KCNT2: variants seen among roughly 807,000 people sequenced by gnomAD.
The protein encoded by KCNT2 is potassium sodium-activated channel subfamily T member 2, also known as potassium channel subfamily T member 2.
Under a neutral mutation model 153.8 loss-of-function variants are expected in KCNT2, and 67 were observed. That is an observed-to-expected ratio of 0.44 (90% CI 0.36 to 0.53). The LOEUF (loss-of-function observed/expected upper bound fraction) is 0.53, where lower values mean the gene tolerates loss of function less well. KCNT2 is among the 20% of genes least tolerant of loss of function. The pLI is 0.00. For synonymous variants in KCNT2, 500 were observed against 458.8 expected (o/e 1.09, Z -1.15); for missense variants, 975 against 1,354.8 (o/e 0.72, Z 4.40).
At chr1:196,327,738 C>A (rs1664020028) in intron 18 of KCNT2, among the ~76,000 whole-genome samples, 2 of 147,582 alleles carry the variant, frequency 1.4e-5, no homozygotes, top group African/African-American at 5.2e-5. Flanking sequence ...GCAATCATCG[C>A]TCACTGAAAC....
intron 1 of KCNT2, among the ~76,000 whole-genome samples, chr1:196,531,737 AGCAGAATCT>A (rs1654968777): frequency 6.6e-6 from 1 of 152,138 alleles, no homozygotes; most frequent in Non-Finnish European, 1.5e-5. Context: ...TGATTATTTC[AGCAGAATCT>A]CTAGTCAGTC....
At chr1:196,370,746 C>T (rs571356472) in intron 14 of KCNT2, among the ~76,000 whole-genome samples, 1 of 152,202 alleles carries the variant, frequency 6.6e-6, no homozygotes, top group African/African-American at 2.4e-5. Flanking sequence ...TACACAAAAA[C>T]CTTTTCACAA....
At chr1:196,367,514 T>C (rs1419469477) in intron 14 of KCNT2, among the ~76,000 whole-genome samples, 1 of 152,204 alleles carries the variant, frequency 6.6e-6, no homozygotes, top group Admixed American at 6.6e-5. Context: ...TGTAAATATA[T>C]GTGTAGATGT....
intron 8 of KCNT2, among the ~76,000 whole-genome samples, chr1:196,458,700 T>A (rs1676893835): frequency 6.6e-6 from 1 of 151,956 alleles, no homozygotes; most frequent in Non-Finnish European, 1.5e-5. Flanking sequence ...AGGAAAACAT[T>A]AATTTGAATG....
intron 16 of KCNT2, among the ~76,000 whole-genome samples, chr1:196,336,558 C>A (rs918834440): frequency 3.9e-5 from 6 of 152,150 alleles, no homozygotes; most frequent in Non-Finnish European, 7.4e-5. Context: ...AAATCCATTT[C>A]TTTTCTCCGT....
At chr1:196,594,432 T>A (rs546857762) in intron 1 of KCNT2, among the ~76,000 whole-genome samples, 7 of 152,252 alleles carry the variant, frequency 4.6e-5, no homozygotes, top group Admixed American at 1.3e-4. Flanking sequence ...CATATATATG[T>A]GGTGGCCTAT....
intron 26 of KCNT2, among the ~76,000 whole-genome samples, chr1:196,249,153 T>G (rs949349249): frequency 2.0e-5 from 3 of 151,928 alleles, no homozygotes; most frequent in Admixed American, 6.6e-5. Context: ...GGAACAAACC[T>G]CAACACAATA....
At chr1:196,605,599 G>A (rs1665230332) in intron 1 of KCNT2, among the ~76,000 whole-genome samples, 2 of 152,168 alleles carry the variant, frequency 1.3e-5, no homozygotes, top group African/African-American at 4.8e-5. Flanking sequence ...ATCTGTTGTT[G>A]GAAATGATCT....
At chr1:196,375,782 A>C (rs2148344172) in intron 13 of KCNT2, among the ~76,000 whole-genome samples, 1 of 151,878 alleles carries the variant, frequency 6.6e-6, no homozygotes, top group South Asian at 2.1e-4. Flanking sequence ...AGAGAAAATA[A>C]CCATTTTTAG....
At chr1:196,523,635 ACC>A (rs1230539851) in intron 1 of KCNT2, among the ~76,000 whole-genome samples, 1 of 152,182 alleles carries the variant, frequency 6.6e-6, no homozygotes, top group East Asian at 1.9e-4. Context: ...GAGAGTCTAG[ACC>A]AGAATTTCAA....
intron 12 of KCNT2, among the ~76,000 whole-genome samples, chr1:196,406,462 C>T (rs1467437045): frequency 2.0e-5 from 3 of 151,118 alleles, no homozygotes; most frequent in Non-Finnish European, 4.4e-5. Flanking sequence ...CTGCATTTTA[C>T]GATAGAATAG....
chr1:196,234,030 T>C (rs1654191503), intron 27 of KCNT2, among the ~76,000 whole-genome samples: 1 of 151,324 alleles, frequency 6.6e-6, no homozygotes, highest in Non-Finnish European at 1.5e-5. Flanking sequence ...TCATTGTATA[T>C]TTCAAAATAG....
At chr1:196,258,540 T>G (rs1313035607) in intron 25 of KCNT2, 46 bp from the exon 26 acceptor site, 6 of 1,234,102 alleles carry the variant, frequency 4.9e-6, no homozygotes, top group Non-Finnish European at 6.9e-6. Context: ...TAGAAATAAA[T>G]ATGGCTTGAA....
intron 14 of KCNT2, among the ~76,000 whole-genome samples, chr1:196,347,426 G>A (rs1170163570): frequency 6.6e-6 from 1 of 152,008 alleles, no homozygotes; most frequent in Non-Finnish European, 1.5e-5. Context: ...CTATCACCCA[G>A]GTGTGATTTG....
intron 22 of KCNT2, among the ~76,000 whole-genome samples, 170 bp downstream of exon 22, chr1:196,305,064 G>C (rs1661504485): frequency 6.6e-6 from 1 of 152,012 alleles, no homozygotes; most frequent in Non-Finnish European, 1.5e-5. Context: ...GTTCAAATCT[G>C]TCAATTCACA....
chr1:196,534,567 G>C (rs183690952), intron 1 of KCNT2, among the ~76,000 whole-genome samples: 2 of 152,192 alleles, frequency 1.3e-5, no homozygotes, highest in East Asian at 3.9e-4. Context: ...AACTAATTTA[G>C]CATTAAGTGG....
rs535516563 is a variant in KCNT2 at position 196,231,932 on chromosome 1, A to C, written c.3297-3597T>G. On this transcript the variant is annotated intron_variant, in intron 27 of 27. Transcript: ENST00000294725. The stretch of plus-strand genomic sequence containing the variant: ...AGTCCAAATGAAAGAAGTATTTAAT[A>C]CTTCTATAATATTTTTAAGAGGCAG... Among the ~76,000 whole-genome samples the C allele has an allele frequency of 1.1e-4, 17 of 151,978 alleles. No homozygotes were observed. The South Asian group carries it at 3.3e-3, about 30-fold the overall frequency.
At chr1:196,520,323 T>C (rs529393847) in intron 1 of KCNT2, among the ~76,000 whole-genome samples, 42 of 152,110 alleles carry the variant, frequency 2.8e-4, no homozygotes, top group Non-Finnish European at 5.1e-4. Flanking sequence ...ATAAGAGCTA[T>C]ATATGACAAG....
intron 25 of KCNT2, among the ~76,000 whole-genome samples, chr1:196,268,315 A>T (rs1471760169): frequency 6.6e-6 from 1 of 152,194 alleles, no homozygotes; most frequent in Non-Finnish European, 1.5e-5. Context: ...ATACACCTAC[A>T]CATTTAAGAC....
Sources: allele counts gnomAD v4.1 joint callset (sites outside exome capture counted in the v4.1 genomes callset), GRCh38; gene constraint gnomAD v4.1.1; transcripts MANE v1.5; gene names NCBI Gene and HGNC (gene_info 2026-07-23, HGNC 2026-07-21).